ACACA: variants seen among roughly 807,000 people sequenced by gnomAD.
ACACA encodes acetyl-CoA carboxylase alpha, also known as acetyl-CoA carboxylase 1.
In ACACA, 103 loss-of-function variants were observed where a neutral mutation model predicts 296.1. The ratio of observed to expected loss-of-function variants is 0.35; its 90% CI spans 0.30 to 0.41. The LOEUF is 0.41. Among genes scored for constraint, ACACA ranks in the 10% least tolerant of loss-of-function variants. The pLI is 1.00. For missense variants in ACACA, 1,554 were observed against 2,989.7 expected, an observed-to-expected ratio of 0.52 and a Z score of 11.20; for synonymous variants, 953 against 1,038.6, an observed-to-expected ratio of 0.92 and a Z score of 1.58.
intron 1 of ACACA, chr17:37,379,323 C>G (rs1286756608): frequency 6.2e-7 from 1 of 1,613,830 alleles, no homozygotes; most frequent in African/African-American, 1.3e-5. Flanking sequence ...TCTGCCTCCT[C>G]AAGCTGTCAC....
intron 1 of ACACA, chr17:37,376,261 T>C (rs2049998423): frequency 1.1e-6 from 1 of 877,302 alleles, no homozygotes; most frequent in South Asian, 1.5e-5. Flanking sequence ...CAAGCAATAC[T>C]TTCCAGAGTT....
At chr17:37,119,642 A>ACACACACACAC (rs60051608) in intron 50 of ACACA, among the ~76,000 whole-genome samples, 1 of 133,770 alleles carries the variant, frequency 7.5e-6, no homozygotes, top group African/African-American at 2.9e-5. Flanking sequence ...ACACACACAC[A>ACACACACACAC]ATCAACCTAG....
intron 10 of ACACA, among the ~76,000 whole-genome samples, chr17:37,267,478 T>C (rs2081840028): frequency 6.6e-6 from 1 of 152,222 alleles, no homozygotes; most frequent in Admixed American, 6.5e-5. Context: ...TTGCAAATAA[T>C]TTCTCACATT....
chr17:37,399,079 A>G (rs1239750213), intron 1 of ACACA, among the ~76,000 whole-genome samples: 1 of 151,438 alleles, frequency 6.6e-6, no homozygotes, highest in African/African-American at 2.4e-5. Flanking sequence ...TCCTGGGTTC[A>G]AGCGATTCTC....
intron 41 of ACACA, among the ~76,000 whole-genome samples, chr17:37,166,185 G>A (rs770051196): frequency 4.7e-4 from 71 of 151,922 alleles, no homozygotes; most frequent in Non-Finnish European, 9.0e-4. Flanking sequence ...CTAGGCTGGA[G>A]TGCAGTGGCA....
chr17:37,376,167 C>T (rs2049994279), intron 1 of ACACA: 1 of 1,597,780 alleles, frequency 6.3e-7, no homozygotes, highest in Non-Finnish European at 8.6e-7. Flanking sequence ...AATTCTCTAG[C>T]CTAATCTCCT....
chr17:37,282,292 T>G (rs560092304), intron 5 of ACACA, among the ~76,000 whole-genome samples: 1 of 152,202 alleles, frequency 6.6e-6, no homozygotes, highest in African/African-American at 2.4e-5. Context: ...CCCCTTCATC[T>G]TCCCCCAGTA....
chr17:37,200,123 T>G lies in ACACA; in HGVS notation c.4158+16A>C, dbSNP rs757820287. The G allele has an allele frequency of 8.9e-6, 14 of 1,564,420 alleles. No homozygotes were observed. In the Admixed American group the frequency reaches 2.2e-4, roughly 24 times the overall value. ...AAAACAGTAAGTAATCTTTCATTAT[T>G]GTTCATTTTACTTACATGAAATCTC... On this transcript the variant is annotated intron_variant, in intron 35 of 55. Coordinates refer to ENST00000616317, the MANE Select transcript of ACACA (RefSeq NM_198834.3).
intron 1 of ACACA, among the ~76,000 whole-genome samples, chr17:37,380,255 T>C (rs965445232): frequency 2.0e-4 from 25 of 122,022 alleles, no homozygotes; most frequent in Admixed American, 1.7e-3. Flanking sequence ...AAGGGGAACA[T>C]CAGACTCTGG....
intron 1 of ACACA, among the ~76,000 whole-genome samples, chr17:37,390,273 T>TAC (rs2050775473): frequency 9.1e-5 from 6 of 66,014 alleles, no homozygotes; most frequent in African/African-American, 3.5e-4. Context: ...TTATATATAA[T>TAC]ATATTATATA....
At chr17:37,236,479 T>C (rs1333787048) in intron 24 of ACACA, among the ~76,000 whole-genome samples, 3 of 140,808 alleles carry the variant, frequency 2.1e-5, no homozygotes, top group Non-Finnish European at 4.7e-5. Context: ...TACTTTCTTG[T>C]TTTTTTTTTT....
chr17:37,308,821 T>C (rs2083998977), intron 3 of ACACA, among the ~76,000 whole-genome samples: 1 of 152,002 alleles, frequency 6.6e-6, no homozygotes, highest in Non-Finnish European at 1.5e-5. Context: ...CCTGTAATCC[T>C]AGCTACTCGG....
At chr17:37,299,583 A>G in intron 3 of ACACA, 1 of 1,345,760 alleles carries the variant, frequency 7.4e-7, no homozygotes, top group Non-Finnish European at 9.5e-7. Context: ...CCACACACTT[A>G]GCTTACACAC....
At chr17:37,183,157 G>T (rs763850909) in intron 39 of ACACA, among the ~76,000 whole-genome samples, 1 of 152,156 alleles carries the variant, frequency 6.6e-6, no homozygotes, top group Admixed American at 6.5e-5. Flanking sequence ...TACATTTCTC[G>T]TCTGTTAAGA....
At chr17:37,257,048 C>A (rs1208445035) in intron 14 of ACACA, among the ~76,000 whole-genome samples, 2 of 151,948 alleles carry the variant, frequency 1.3e-5, no homozygotes, top group Non-Finnish European at 2.9e-5. Context: ...TTTAGGCAAG[C>A]AAAAGTGCTG....
At chr17:37,147,536 G>A (rs1193307969) in intron 45 of ACACA, among the ~76,000 whole-genome samples, 1 of 152,164 alleles carries the variant, frequency 6.6e-6, no homozygotes, top group African/African-American at 2.4e-5. Context: ...TCTGAGCATG[G>A]TAGTTTCCTT....
chr17:37,199,685 C>T (rs1382120211), intron 35 of ACACA, among the ~76,000 whole-genome samples: 2 of 152,058 alleles, frequency 1.3e-5, no homozygotes, highest in Non-Finnish European at 2.9e-5. Context: ...CAAAATGCAA[C>T]TGGCTGTCCT....
At chr17:37,364,715 G>A (rs892946401) in intron 1 of ACACA, among the ~76,000 whole-genome samples, 2 of 152,134 alleles carry the variant, frequency 1.3e-5, no homozygotes, top group African/African-American at 4.8e-5. Flanking sequence ...TTAGGACAGA[G>A]AATAGAGGAA....
chr17:37,250,421 C>T (rs1217142184), intron 16 of ACACA, among the ~76,000 whole-genome samples: 3 of 152,090 alleles, frequency 2.0e-5, no homozygotes, highest in East Asian at 1.9e-4. Flanking sequence ...AGGCAGATCA[C>T]GAGGTCAAGA....
Sources: allele counts gnomAD v4.1 joint callset (sites outside exome capture counted in the v4.1 genomes callset), GRCh38; gene constraint gnomAD v4.1.1; transcripts MANE v1.5; gene names NCBI Gene and HGNC (gene_info 2026-07-23, HGNC 2026-07-21).